Variants in MS4A5 observed in about 807,000 individuals in gnomAD.
The protein encoded by MS4A5 is membrane-spanning 4-domains subfamily A member 5.
MS4A5 carries 15 observed loss-of-function variants against 18.2 expected under a neutral mutation model. The observed-to-expected ratio is 0.83, with a 90% CI of 0.55 to 1.27. The LOEUF is 1.27. Ranked by LOEUF, MS4A5 falls within the 50% of genes most tolerant of loss-of-function variation. The probability of loss-of-function intolerance (pLI) is 0.00; values close to 1 mark genes in which losing one functional copy is unlikely to be tolerated. For synonymous variants in MS4A5, 89 were observed against 78.7 expected (o/e 1.13, Z -0.69); for missense variants, 232 against 225.7 (o/e 1.03, Z -0.18).
At chr11:60,431,476 T>C (rs1056966279) in intron 2 of MS4A5, among the ~76,000 whole-genome samples, 2 of 152,150 alleles carry the variant, frequency 1.3e-5, no homozygotes, top group African/African-American at 4.8e-5. Context: ...TGCCAGAGAA[T>C]GGGCAGAGCA....
rs2086111267 is a variant in MS4A5 at position 60,441,427 on chromosome 11, A to AAAG, written c.493-6222_493-6221insAAG. Among the ~76,000 whole-genome samples, 3 of 31,246 alleles carry AAAG rather than the reference A, an allele frequency of 9.6e-5. No individual in the cohort carries two copies. In the South Asian group the frequency reaches 2.6e-3, roughly 27 times the overall value. 20.5% of individuals were successfully genotyped at this position (31,246 alleles called of 152,430 possible). On this transcript the variant is annotated intron_variant, in intron 4 of 4. Coordinates refer to ENST00000300190, the MANE Select transcript of MS4A5 (RefSeq NM_023945.3). ...CATGTACCCTAAAACTTAAAGTATA[A>AAAG]TAAAAAAAAAGAAAAAGAAAAAGGC...
At chr11:60,436,938 C>G (rs1331664800) in intron 4 of MS4A5, among the ~76,000 whole-genome samples, 1 of 132,374 alleles carries the variant, frequency 7.6e-6, no homozygotes, top group Non-Finnish European at 1.7e-5. Flanking sequence ...AAAGATACTC[C>G]TCGAGAAAAG....
intron 4 of MS4A5, among the ~76,000 whole-genome samples, chr11:60,443,702 T>C (rs543577878): frequency 2.2e-4 from 33 of 151,968 alleles, no homozygotes; most frequent in Admixed American, 2.1e-3. Flanking sequence ...ATATGGATGT[T>C]TGAAAAACTA....
rs751439414 is a variant in MS4A5 at position 60,430,907 on chromosome 11, T to C, written c.265T>C (p.Phe89Leu). 18 of 1,612,506 alleles carry C rather than the reference T, an allele frequency of 1.1e-5. No individual in the cohort carries two copies. The highest frequency in any genetic ancestry group is 8.3e-5 in the Admixed American group (5 of 59,898). Reference sequence around the variant, plus strand: ...CTTTATATTTCTTTCAGGATATCCATTCTGGGGCTCTGTTTTGGTGAGTAT... The same window carrying C: ...CTTTATATTTCTTTCAGGATATCCACTCTGGGGCTCTGTTTTGGTGAGTAT... The part of the protein sequence containing the change: ...FPFIFLSGYP[F>L]WGSVLFINSG... Residue 89 changes from phenylalanine (F) to leucine (L), a missense_variant, in exon 2 of 5, where the codon TTC becomes CTC. Physicochemically the swap from Phe to Leu is conservative, Grantham distance 22. Transcript: ENST00000300190.
intron 4 of MS4A5, among the ~76,000 whole-genome samples, chr11:60,441,477 A>T (rs553647045): frequency 2.0e-5 from 3 of 150,998 alleles, no homozygotes; most frequent in Non-Finnish European, 3.0e-5. Context: ...AGAAAAAAAA[A>T]GAAAGGAGAT....
chr11:60,430,933 A>G lies in MS4A5; in HGVS notation c.282+9A>G. ...TCTGGGGCTCTGTTTTGGTGAGTAT[A>G]GTCAATCAAGTTCAATTTGAAGCCA... On this transcript the variant is annotated intron_variant, in intron 2 of 4. Transcript: ENST00000300190. The G allele has an allele frequency of 6.2e-7, 1 of 1,603,298 alleles. No individual in the cohort carries two copies. The highest frequency in any genetic ancestry group is 8.5e-7 in the Non-Finnish European group (1 of 1,177,654).
chr11:60,447,568 A>T, intron 4 of MS4A5, 81 bp from the exon 5 acceptor site: 1 of 725,190 alleles, frequency 1.4e-6, no homozygotes, highest in Non-Finnish European at 2.3e-6. Context: ...TCTGGGCATC[A>T]CTATGTCATT....
chr11:60,430,511 T>C (rs2086042608), intron 1 of MS4A5, among the ~76,000 whole-genome samples: 2 of 152,194 alleles, frequency 1.3e-5, no homozygotes, highest in South Asian at 4.1e-4. Flanking sequence ...AAGTATGGGA[T>C]AGGGCCTGAT....
intron 4 of MS4A5, among the ~76,000 whole-genome samples, chr11:60,446,446 A>G (rs2086138560): frequency 6.6e-6 from 1 of 152,230 alleles, no homozygotes; most frequent in Non-Finnish European, 1.5e-5. Flanking sequence ...ATTGAAAAAA[A>G]CACAGGTGGG....
At chr11:60,444,587 C>T (rs1250036904) in intron 4 of MS4A5, among the ~76,000 whole-genome samples, 1 of 151,534 alleles carries the variant, frequency 6.6e-6, no homozygotes, top group Non-Finnish European at 1.5e-5. Flanking sequence ...ATAAAAAGGC[C>T]AAAAAAAGAT....
At chr11:60,435,289 A>G in intron 4 of MS4A5, 1 of 417,540 alleles carries the variant, frequency 2.4e-6, no homozygotes, top group Non-Finnish European at 4.6e-6. Flanking sequence ...AAGAAATAAG[A>G]CAATGCGAAT....
At chr11:60,440,596 C>T (rs918478398) in intron 4 of MS4A5, among the ~76,000 whole-genome samples, 33 of 148,820 alleles carry the variant, frequency 2.2e-4, no homozygotes, top group African/African-American at 7.7e-4. Context: ...AACAAACAAC[C>T]CCATCAAAAA....
At chr11:60,438,585 A>G (rs1429539495) in intron 4 of MS4A5, among the ~76,000 whole-genome samples, 1 of 152,130 alleles carries the variant, frequency 6.6e-6, no homozygotes, top group Non-Finnish European at 1.5e-5. Flanking sequence ...AAAATGATAA[A>G]GGGGATGTCA....
At chr11:60,442,941 G>T (rs987850912) in intron 4 of MS4A5, among the ~76,000 whole-genome samples, 1 of 152,168 alleles carries the variant, frequency 6.6e-6, no homozygotes, top group African/African-American at 2.4e-5. Context: ...AGGAGTTTGA[G>T]ACCAGGCTGG....
chr11:60,444,824 C>T (rs2120182), intron 4 of MS4A5, among the ~76,000 whole-genome samples: 44,651 of 151,968 alleles, frequency 0.29, 6,763 homozygotes, highest in Middle Eastern at 0.5. Context: ...AAATGGGAAA[C>T]GGAAAATGGT....
rs577111429 is a variant in MS4A5 at position 60,444,313 on chromosome 11, A to G, written c.493-3336A>G. On this transcript the variant is annotated intron_variant, in intron 4 of 4. Transcript: ENST00000300190. ...CAATTGATTTCACATTCAAACATCA[A>G]TCAGTGATACACCTAAATGTGAAAT... is the stretch of plus-strand genomic sequence containing the variant. Among the ~76,000 whole-genome samples the G allele has an allele frequency of 3.9e-5, 6 of 152,328 alleles. No individual in the cohort carries two copies. In the East Asian group the frequency reaches 1.2e-3, roughly 29 times the overall value.
intron 4 of MS4A5, among the ~76,000 whole-genome samples, chr11:60,444,605 T>G (rs1383331671): frequency 6.6e-6 from 1 of 152,160 alleles, no homozygotes; most frequent in Non-Finnish European, 1.5e-5. Flanking sequence ...GATTAAGACT[T>G]GAGCAAGCAG....
At chr11:60,446,634 G>C (rs909363376) in intron 4 of MS4A5, among the ~76,000 whole-genome samples, 1 of 151,974 alleles carries the variant, frequency 6.6e-6, no homozygotes, top group Non-Finnish European at 1.5e-5. Flanking sequence ...TCGGGAGGCT[G>C]AGGCAGGAGA....
At chr11:60,440,814 T>C in intron 4 of MS4A5, among the ~76,000 whole-genome samples, 1 of 127,884 alleles carries the variant, frequency 7.8e-6, no homozygotes, top group Non-Finnish European at 1.7e-5. Context: ...TAGGAACACT[T>C]TTACACTGTT....
Sources: gnomAD v4.1 joint callset for allele counts (sites outside exome capture counted in the v4.1 genomes callset) on GRCh38, gnomAD v4.1.1 for gene constraint, MANE v1.5 for transcripts, NCBI Gene and HGNC (gene_info 2026-07-23, HGNC 2026-07-21) for gene names.